The following PPARG variants were observed in gnomAD, a reference collection of about 807,000 sequenced individuals.
The protein encoded by PPARG is peroxisome proliferator-activated receptor gamma.
Under a neutral mutation model 39.2 loss-of-function variants are expected in PPARG, and 17 were observed. The observed-to-expected ratio is 0.43, with a 90% CI of 0.30 to 0.65. The LOEUF is 0.65. Ranked by LOEUF, PPARG falls within the 30% of genes least tolerant of loss-of-function variation. The probability of loss-of-function intolerance (pLI) is 0.13; values close to 1 mark genes in which losing one functional copy is unlikely to be tolerated. For synonymous variants in PPARG, 223 were observed against 215.7 expected (o/e 1.03, Z -0.30); for missense variants, 406 against 585.9 (o/e 0.69, Z 3.17).
chr3:12,296,454 C>G (rs535601938), intron 1 of PPARG, among the ~76,000 whole-genome samples: 4 of 151,908 alleles, frequency 2.6e-5, no homozygotes, highest in Admixed American at 6.6e-5. Flanking sequence ...ACTCTTGGTC[C>G]AAGATGATTC....
intron 4 of PPARG, among the ~76,000 whole-genome samples, chr3:12,385,263 A>G (rs2049830046): frequency 6.6e-6 from 1 of 152,216 alleles, no homozygotes; most frequent in African/African-American, 2.4e-5. Flanking sequence ...AGGCTTATCT[A>G]TGGATTGAAA....
chr3:12,293,023 G>C (rs1365884963), intron 1 of PPARG, among the ~76,000 whole-genome samples: 1 of 152,234 alleles, frequency 6.6e-6, no homozygotes, highest in African/African-American at 2.4e-5. Context: ...GGAGTGGGGA[G>C]CCGTGTTATC....
chr3:12,314,329 A>G (rs2047331634), intron 2 of PPARG, among the ~76,000 whole-genome samples: 1 of 147,838 alleles, frequency 6.8e-6, no homozygotes, highest in African/African-American at 2.4e-5. Context: ...AAGGTGAAAC[A>G]GAATATTTGC....
chr3:12,399,140 T>C (rs1286383480), intron 5 of PPARG, among the ~76,000 whole-genome samples: 3 of 152,156 alleles, frequency 2.0e-5, no homozygotes, highest in African/African-American at 7.2e-5. Context: ...CAACGAAGTG[T>C]TCAGTGAATG....
At chr3:12,293,811 A>G (rs1165798852) in intron 1 of PPARG, among the ~76,000 whole-genome samples, 1 of 152,170 alleles carries the variant, frequency 6.6e-6, no homozygotes, top group African/African-American at 2.4e-5. Flanking sequence ...AGGGCAGTGG[A>G]GAAATATAAC....
intron 2 of PPARG, among the ~76,000 whole-genome samples, chr3:12,316,727 T>C (rs1390251700): frequency 6.6e-6 from 1 of 152,068 alleles, no homozygotes. Context: ...AACCTTTTTT[T>C]TTTTAAAAAA....
rs922453338 is a variant in PPARG, at chr3:12,312,462, A to T, written c.-9+9A>T. The stretch of plus-strand genomic sequence containing the variant: ...AGAGTCAGCCTTTAACGGTAAGTAA[A>T]ATCAGAATTTATACTGCATTTGTAT... On this transcript the variant is annotated intron_variant, in intron 2 of 7. Coordinates refer to ENST00000651735, the MANE Select transcript of PPARG (RefSeq NM_138711.6). The T allele has an allele frequency of 6.6e-6, 1 of 152,248 alleles. No homozygotes were observed. Among genetic ancestry groups the T allele is most frequent in the East Asian group, 1.9e-4 (1 of 5,204 alleles). 9.4% of individuals were successfully genotyped at this position (152,248 alleles called of 1,614,324 possible).
At chr3:12,354,407 C>T (rs920166154) in intron 2 of PPARG, among the ~76,000 whole-genome samples, 2 of 151,840 alleles carry the variant, frequency 1.3e-5, no homozygotes, top group African/African-American at 4.8e-5. Context: ...ATTGCTTTAG[C>T]CTTGTAGCGT....
chr3:12,430,865 T>C (rs2051637274), intron 7 of PPARG, among the ~76,000 whole-genome samples: 1 of 152,098 alleles, frequency 6.6e-6, no homozygotes, highest in Non-Finnish European at 1.5e-5. Context: ...AAAATCTGAA[T>C]AAGTGCAGAG....
chr3:12,395,733 C>T (rs1008622624), intron 5 of PPARG, among the ~76,000 whole-genome samples: 1 of 152,170 alleles, frequency 6.6e-6, no homozygotes, highest in African/African-American at 2.4e-5. Flanking sequence ...CATTTAACAA[C>T]CCATCATTTC....
chr3:12,375,176 C>G (rs894852271), intron 2 of PPARG, among the ~76,000 whole-genome samples: 45 of 151,924 alleles, frequency 3.0e-4, no homozygotes, highest in African/African-American at 1.1e-3. Context: ...CACTTGAACG[C>G]AGGAGTTTGA....
intron 1 of PPARG, among the ~76,000 whole-genome samples, chr3:12,300,903 C>A (rs1161814112): frequency 6.6e-6 from 1 of 152,286 alleles, no homozygotes; most frequent in East Asian, 1.9e-4. Context: ...ACTATATACA[C>A]TTTTTAATAC....
At chr3:12,389,016 G>T (rs1462573732) in intron 4 of PPARG, among the ~76,000 whole-genome samples, 1 of 152,120 alleles carries the variant, frequency 6.6e-6, no homozygotes, top group Admixed American at 6.6e-5. Context: ...CCCTATCCAG[G>T]ATCTGCTGGA....
intron 2 of PPARG, among the ~76,000 whole-genome samples, chr3:12,356,554 G>A (rs1207189582): frequency 6.6e-6 from 1 of 152,088 alleles, no homozygotes; most frequent in Non-Finnish European, 1.5e-5. Context: ...TTTTTATATG[G>A]CCTTTTAGCT....
At chr3:12,316,953 A>G (rs1341338711) in intron 2 of PPARG, among the ~76,000 whole-genome samples, 1 of 152,198 alleles carries the variant, frequency 6.6e-6, no homozygotes, top group East Asian at 1.9e-4. Context: ...TGAGGGAGAA[A>G]AGGGTTTAGA....
chr3:12,340,715 G>T (rs1272861424), intron 2 of PPARG, among the ~76,000 whole-genome samples: 2 of 152,166 alleles, frequency 1.3e-5, no homozygotes, highest in African/African-American at 2.4e-5. Flanking sequence ...CTAAAGCTAT[G>T]CAGACATACA....
chr3:12,412,765 A>G lies in PPARG; in HGVS notation c.730-3939A>G, dbSNP rs149835674. Among the ~76,000 whole-genome samples the G allele has an allele frequency of 2.0e-5, 3 of 152,146 alleles. No individual in the cohort carries two copies. The East Asian group carries it at 5.8e-4, about 29-fold the overall frequency. ...CAATTTTATTCTCATAATTTGTAATATTTTCCTTAGAGAGACTCCACTACT... is the reference window on the plus strand; with the variant it reads ...CAATTTTATTCTCATAATTTGTAATGTTTTCCTTAGAGAGACTCCACTACT... On this transcript the variant is annotated intron_variant, in intron 6 of 7. Transcript: ENST00000651735.
At position 12,416,836 on chromosome 3, in the gene PPARG, G is replaced by A. The variant is rs72551362; in HGVS notation, c.862G>A (p.Val288Met). Reference sequence around the variant, plus strand: ...CTTTCAGGGCTGCCAGTTTCGCTCCGTGGAGGCTGTGCAGGAGATCACAGA... The same window carrying A: ...CTTTCAGGGCTGCCAGTTTCGCTCCATGGAGGCTGTGCAGGAGATCACAGA... ...RIFQGCQFRS[V>M]EAVQEITEYA... is the part of the protein sequence containing the mutation. The change falls in exon 7 of 8, where the codon GTG (valine) becomes ATG (methionine). Residue 288 changes from valine to methionine, a missense_variant. Physicochemically the swap from Val to Met is conservative, Grantham distance 21 (BLOSUM62 1). Transcript: ENST00000651735. 6.2e-7 allele frequency: 1 copy of A among 1,614,154 alleles called. No individual in the cohort carries two copies. Among genetic ancestry groups the A allele is most frequent in the Non-Finnish European group, 8.5e-7 (1 of 1,180,022 alleles).
chr3:12,362,896 G>A (rs536809457), intron 2 of PPARG, among the ~76,000 whole-genome samples: 1 of 152,140 alleles, frequency 6.6e-6, no homozygotes, highest in Non-Finnish European at 1.5e-5. Flanking sequence ...AAAATTATGA[G>A]TGAATGTTGA....
Sources: allele counts gnomAD v4.1 joint callset (sites outside exome capture counted in the v4.1 genomes callset), GRCh38; gene constraint gnomAD v4.1.1; transcripts MANE v1.5; gene names NCBI Gene and HGNC (gene_info 2026-07-23, HGNC 2026-07-21).